The following LOXL1 variants were observed in gnomAD, a reference collection of about 807,000 sequenced individuals.
The protein encoded by LOXL1 is lysyl oxidase homolog 1.
LOXL1 carries 31 observed loss-of-function variants against 62.2 expected under a neutral mutation model. That is an observed-to-expected ratio of 0.50 (90% confidence interval 0.37 to 0.67). The LOEUF (loss-of-function observed/expected upper bound fraction) is 0.67, where lower values mean the gene tolerates loss of function less well. LOXL1 is among the 30% of genes least tolerant of loss of function. The pLI is 0.00. For synonymous variants in LOXL1, 403 were observed against 384.4 expected, an observed-to-expected ratio of 1.05 and a Z score of -0.56; for missense variants, 775 against 843.4, an observed-to-expected ratio of 0.92 and a Z score of 1.00.
intron 1 of LOXL1, among the ~76,000 whole-genome samples, chr15:73,935,933 T>TA (rs2068667774): frequency 3.9e-5 from 1 of 25,574 alleles, no homozygotes; most frequent in Non-Finnish European, 9.5e-5. Context: ...TAGGTAGAGC[T>TA]GGTGTGTGTG....
rs1008221105 is a variant in LOXL1, at chr15:73,944,299, T to C, written c.1211+1337T>C. Reference sequence around the variant, plus strand: ...AAGTCAAACTATTAACATCACTGCCTCTTCATGAAGGATCCTGAGTGCCCG... The same window carrying C: ...AAGTCAAACTATTAACATCACTGCCCCTTCATGAAGGATCCTGAGTGCCCG... On this transcript the variant is annotated intron_variant, in intron 2 of 6. Transcript: ENST00000261921. 2.6e-5 allele frequency among the ~76,000 whole-genome samples: 4 copies of C among 152,330 alleles called. No homozygotes were observed. In the East Asian group the frequency reaches 7.7e-4, roughly 29 times the overall value.
chr15:73,926,919 G>A lies in LOXL1; in HGVS notation c.136G>A (p.Glu46Lys). 1 of 1,570,964 alleles carries A rather than the reference G, an allele frequency of 6.4e-7. No individual in the cohort carries two copies. The highest frequency in any genetic ancestry group is 8.6e-7 in the Non-Finnish European group (1 of 1,159,320). ...CCGCTGGCGGCAGCTGATCCAGTGG[G>A]AGAACAACGGGCAGGTGTACAGCTT... ...PARWRQLIQW[E>K]NNGQVYSLLN... Residue 46 changes from glutamate (E) to lysine (K), a missense_variant, in exon 1 of 7, where the codon GAG (glutamate) becomes AAG (lysine). Glu to Lys is a moderately conservative substitution (Grantham distance 56). Coordinates refer to ENST00000261921, the MANE Select transcript of LOXL1 (RefSeq NM_005576.4).
intron 3 of LOXL1, 134 bp from the exon 4 acceptor site, chr15:73,946,933 A>T: frequency 1.0e-6 from 1 of 980,696 alleles, no homozygotes; most frequent in Non-Finnish European, 1.5e-6. Flanking sequence ...AGTACTCAGG[A>T]GACAGGAGAA....
Position 73,947,821 on chromosome 15 carries a change from C to CTGCTATGA in LOXL1, c.1522_1529dup (p.Thr511AlafsTer16). 6.2e-7 allele frequency: 1 copy of CTGCTATGA among 1,612,318 alleles called. No homozygotes were observed. On this transcript the variant is annotated frameshift_variant, in exon 5 of 7. Transcript: ENST00000261921. LOFTEE classifies it high-confidence loss of function. The stretch of plus-strand genomic sequence containing the variant: ...CCCTTTCCCAGGGCCTGAGCCCAGG[C>CTGCTATGA]TGCTATGACACCTACAATGCGGACA...
At chr15:73,933,833 G>C (rs2068652059) in intron 1 of LOXL1, among the ~76,000 whole-genome samples, 1 of 152,274 alleles carries the variant, frequency 6.6e-6, no homozygotes, top group South Asian at 2.1e-4. Context: ...GTCAGGGTTG[G>C]GATGCTGGAA....
chr15:73,934,525 A>G (rs1260656097), intron 1 of LOXL1, among the ~76,000 whole-genome samples: 7 of 151,820 alleles, frequency 4.6e-5, no homozygotes, highest in Non-Finnish European at 8.8e-5. Context: ...AGATAATACC[A>G]CTCACCCCTG....
chr15:73,926,816 G>A lies in LOXL1; in HGVS notation c.33G>A (p.Gly11=). The A allele has an allele frequency of 6.7e-7, 1 of 1,500,822 alleles. No individual in the cohort carries two copies. Among genetic ancestry groups the A allele is most frequent in the Non-Finnish European group, 8.9e-7 (1 of 1,124,206 alleles). The allele number at this position is 1,500,822 out of a possible 1,614,324, so 93.0% of individuals were successfully genotyped here. ...TGGCCCGAGGCAGCCGGCAGCTGGGGGCCCTGGTGTGGGGCGCCTGCCTGT... is the reference window on the plus strand; with the variant it reads ...TGGCCCGAGGCAGCCGGCAGCTGGGAGCCCTGGTGTGGGGCGCCTGCCTGT... MALARGSRQL[G]ALVWGACLCV... is the part of the protein sequence containing the mutation. The change falls in exon 1 of 7, where the codon GGG becomes GGA. Residue 11 remains glycine (G), a synonymous_variant. Coordinates refer to ENST00000261921, the MANE Select transcript of LOXL1 (RefSeq NM_005576.4).
At chr15:73,932,393 TA>T (rs951659436) in intron 1 of LOXL1, among the ~76,000 whole-genome samples, 64 of 151,234 alleles carry the variant, frequency 4.2e-4, no homozygotes, top group East Asian at 9.7e-4. Context: ...ACCATGCATT[TA>T]AAAAAAAAAT....
intron 1 of LOXL1, among the ~76,000 whole-genome samples, 195 bp from the exon 2 acceptor site, chr15:73,942,659 G>C (rs951778471): frequency 1.4e-4 from 21 of 152,066 alleles, no homozygotes; most frequent in Admixed American, 1.3e-4. Flanking sequence ...CGAGATGTAA[G>C]CTCTTGCTGC....
chr15:73,928,133 C>G (rs1028594040), intron 1 of LOXL1: 3 of 390,808 alleles, frequency 7.7e-6, no homozygotes, highest in African/African-American at 6.3e-5. Context: ...GGGCTCTGAT[C>G]CTGGCTTTGG....
intron 1 of LOXL1, among the ~76,000 whole-genome samples, chr15:73,936,879 G>A (rs999956433): frequency 3.9e-5 from 6 of 152,240 alleles, no homozygotes; most frequent in African/African-American, 1.2e-4. Context: ...GAGAGGGCTC[G>A]GGCTCTTGCC....
chr15:73,936,354 C>A (rs1487417080), intron 1 of LOXL1, among the ~76,000 whole-genome samples: 1 of 152,208 alleles, frequency 6.6e-6, no homozygotes, highest in Non-Finnish European at 1.5e-5. Flanking sequence ...ATGAGATAAT[C>A]ATTTCCTAGG....
intron 6 of LOXL1, among the ~76,000 whole-genome samples, chr15:73,951,406 AGCTGGGCCAGCGTGCACAGGAAGCTG>A (rs1382106865): frequency 2.6e-5 from 4 of 152,158 alleles, no homozygotes; most frequent in Non-Finnish European, 5.9e-5. Flanking sequence ...GCAGGCAGGC[AGCTGGGCCAGCGTGCACAGGAAGCTG>A]GACAGAGCGT....
chr15:73,947,161 C>A lies in LOXL1; in HGVS notation c.1444C>A (p.Leu482Met), dbSNP rs761592885. Residue 482 changes from leucine to methionine, a missense_variant, in exon 4 of 7, where the codon CTG (leucine) becomes ATG (methionine). Physicochemically the swap from Leu to Met is conservative, Grantham distance 15. Transcript: ENST00000261921. ...VAEGHKASFC[L>M]EDSTCDFGNL... ...CGAGGGCCACAAGGCCAGTTTCTGC[C>A]TGGAGGACAGCACCTGTGACTTCGG... 3.7e-6 allele frequency: 6 copies of A among 1,613,824 alleles called. No individual in the cohort carries two copies. Among genetic ancestry groups the A allele is most frequent in the Non-Finnish European group, 5.1e-6 (6 of 1,179,732 alleles).
In LOXL1 at chr15:73,927,367, C is replaced by T. The variant is rs1200686930; in HGVS notation, c.584C>T (p.Ser195Leu). 5 of 1,587,406 alleles carry T rather than the reference C, an allele frequency of 3.1e-6. No homozygotes were observed. Among genetic ancestry groups the T allele is most frequent in the Non-Finnish European group, 4.3e-6 (5 of 1,168,216 alleles). The change falls in exon 1 of 7, where the codon TCG becomes TTG. Residue 195 changes from serine (S) to leucine (L), a missense_variant. Coordinates refer to ENST00000261921, the MANE Select transcript of LOXL1 (RefSeq NM_005576.4). ...VSQYENYDPA[S>L]RTYDQGFVYY... ...CAGTACGAGAACTACGACCCCGCGT[C>T]GCGGACCTACGACCAGGGTTTCGTG...
In LOXL1 at chr15:73,926,484, C is replaced by T. The variant is rs2068576555; in HGVS notation, c.-300C>T. The T allele has an allele frequency of 3.1e-6, 1 of 323,576 alleles. No individual in the cohort carries two copies. The allele number at this position is 323,576 out of a possible 1,614,324, so 20.0% of individuals were successfully genotyped here. ...TTCATTCAGAGTGGGAAAGCGCCAGCCGAGCGGCCAGCCAGTGCGGGGCTG... is the reference window on the plus strand; with the variant it reads ...TTCATTCAGAGTGGGAAAGCGCCAGTCGAGCGGCCAGCCAGTGCGGGGCTG... On this transcript the variant is annotated 5_prime_UTR_variant, in exon 1 of 7. Transcript: ENST00000261921.
intron 6 of LOXL1, 110 bp from the exon 7 acceptor site, chr15:73,951,721 T>C: frequency 1.0e-6 from 1 of 980,596 alleles, no homozygotes; most frequent in South Asian, 2.4e-5. Context: ...TGTAGGCCCA[T>C]GCCTGCCCTG....
In LOXL1 at chr15:73,927,626, G is replaced by A. The variant is rs1389837630; in HGVS notation, c.843G>A (p.Glu281=). 3.4e-6 allele frequency: 5 copies of A among 1,489,264 alleles called. No homozygotes were observed. In the African/African-American group the frequency reaches 7.3e-5, roughly 22 times the overall value. The allele number at this position is 1,489,264 out of a possible 1,614,324, so 92.3% of individuals were successfully genotyped here. Residue 281 remains glutamate (E), a synonymous_variant, in exon 1 of 7, where the codon GAG becomes GAA. Coordinates refer to ENST00000261921, the MANE Select transcript of LOXL1 (RefSeq NM_005576.4). ...DRRYSHSLYS[E]GTPGFEQAYP... is the part of the protein sequence containing the mutation. ...GCTACTCGCACAGTCTGTACAGCGA[G>A]GGCACCCCCGGCTTCGAGCAGGCCT... is the stretch of plus-strand genomic sequence containing the variant.
At chr15:73,943,622 G>T (rs1032372840) in intron 2 of LOXL1, among the ~76,000 whole-genome samples, 1 of 147,788 alleles carries the variant, frequency 6.8e-6, no homozygotes, top group South Asian at 2.2e-4. Flanking sequence ...CCTGCCTCTC[G>T]CAGTGTTTGC....
Sources: allele counts gnomAD v4.1 joint callset (sites outside exome capture counted in the v4.1 genomes callset), GRCh38; gene constraint gnomAD v4.1.1; transcripts MANE v1.5; gene names NCBI Gene and HGNC (gene_info 2026-07-23, HGNC 2026-07-21).